CNTLN: variants seen among roughly 807,000 people sequenced by gnomAD.
CNTLN encodes the protein centlein, centrosomal protein.
CNTLN carries 212 observed loss-of-function variants against 180.0 expected under a neutral mutation model. The ratio of observed to expected loss-of-function variants is 1.18; its 90% CI spans 1.05 to 1.32. The LOEUF is 1.32. Ranked by LOEUF, CNTLN falls within the 40% of genes most tolerant of loss-of-function variation. The pLI is 0.00. For missense variants in CNTLN, 2,095 were observed against 1,610.9 expected, an observed-to-expected ratio of 1.30 and a Z score of -5.14; for synonymous variants, 722 against 563.1, an observed-to-expected ratio of 1.28 and a Z score of -3.99.
chr9:17,506,752 A>G (rs1833939004), downstream of CNTLN, among the ~76,000 whole-genome samples: 1 of 152,136 alleles, frequency 6.6e-6, no homozygotes, highest in South Asian at 2.1e-4. Flanking sequence ...AATGTACCAG[A>G]AAACATTTGA....
rs1215692109 is a variant in CNTLN, at chr9:17,331,542, A to G, written c.1518+734A>G. ...TTTTCACACGCTTGTTACTTCAGCA[A>G]TAAAGGAATAATAGTTTTTATAATA... On this transcript the variant is annotated intron_variant, in intron 9 of 25. Transcript: ENST00000380647. 3.9e-5 allele frequency among the ~76,000 whole-genome samples: 6 copies of G among 152,130 alleles called. No individual in the cohort carries two copies. In the East Asian group the frequency reaches 9.6e-4, roughly 24 times the overall value.
intron 6 of CNTLN, among the ~76,000 whole-genome samples, chr9:17,293,808 G>A (rs762495176): frequency 6.6e-6 from 1 of 152,132 alleles, no homozygotes; most frequent in Non-Finnish European, 1.5e-5. Flanking sequence ...AGGCCACCAA[G>A]AGGCTGCCGA....
At chr9:17,399,796 A>T (rs1225792422) in intron 15 of CNTLN, among the ~76,000 whole-genome samples, 1 of 152,194 alleles carries the variant, frequency 6.6e-6, no homozygotes, top group Non-Finnish European at 1.5e-5. Context: ...TGGCTTCCTT[A>T]TACCAGAGGA....
intron 12 of CNTLN, among the ~76,000 whole-genome samples, chr9:17,365,603 T>A (rs1823752734): frequency 6.6e-6 from 1 of 152,200 alleles, no homozygotes; most frequent in South Asian, 2.1e-4. Context: ...ACCATTCTTG[T>A]TTTCAGTGTT....
chr9:17,452,298 G>T (rs1263073749), intron 18 of CNTLN, among the ~76,000 whole-genome samples: 5 of 152,182 alleles, frequency 3.3e-5, no homozygotes, highest in Non-Finnish European at 1.5e-5. Flanking sequence ...GATGGAGAAG[G>T]GATGCCTGAT....
chr9:17,523,426 G>A, the CNTLN span, among the ~76,000 whole-genome samples: 2 of 151,912 alleles, frequency 1.3e-5, no homozygotes, highest in African/African-American at 2.4e-5. Flanking sequence ...TAGTAGAGAC[G>A]GGGTTTCATC....
chr9:17,332,658 C>T lies in CNTLN; in HGVS notation c.1572C>T (p.Asp524=), dbSNP rs1251774011. ...RSLSPKSSFT[D]SEELQKLRKA... is the part of the protein sequence containing the mutation. ...TGTCCCCAAAGAGCTCTTTCACAGA[C>T]TCAGAAGAGCTACAGAAGCTGAGAA... Residue 524 remains aspartate, a synonymous_variant, in exon 10 of 26, where the codon GAC becomes GAT. Coordinates refer to ENST00000380647, the MANE Select transcript of CNTLN (RefSeq NM_017738.4). 6.2e-6 allele frequency: 10 copies of T among 1,608,066 alleles called. No homozygotes were observed. Among genetic ancestry groups the T allele is most frequent in the Non-Finnish European group, 7.6e-6 (9 of 1,177,468 alleles).
chr9:17,178,592 C>T (rs1379726963), intron 2 of CNTLN, among the ~76,000 whole-genome samples: 2 of 152,086 alleles, frequency 1.3e-5, no homozygotes, highest in Non-Finnish European at 2.9e-5. Context: ...CAGCTAAGGC[C>T]CGGTGAGAAA....
At chr9:17,174,474 T>C (rs1005015712) in intron 2 of CNTLN, among the ~76,000 whole-genome samples, 15 of 152,248 alleles carry the variant, frequency 9.9e-5, no homozygotes, top group African/African-American at 3.6e-4. Context: ...GGTGGGTGGA[T>C]CACCTGAAGT....
intron 12 of CNTLN, among the ~76,000 whole-genome samples, chr9:17,344,142 G>C (rs916025067): frequency 1.1e-4 from 12 of 108,290 alleles, no homozygotes; most frequent in African/African-American, 3.3e-4. Flanking sequence ...ATAAATGATT[G>C]ATTTGGAGTT....
chr9:17,180,754 C>T (rs949603778), intron 2 of CNTLN, among the ~76,000 whole-genome samples: 8 of 152,036 alleles, frequency 5.3e-5, no homozygotes, highest in African/African-American at 1.9e-4. Flanking sequence ...GATTTCCCCC[C>T]TCCTATTTTT....
intron 24 of CNTLN, among the ~76,000 whole-genome samples, chr9:17,485,581 T>C (rs970089670): frequency 2.0e-5 from 3 of 152,142 alleles, no homozygotes; most frequent in Non-Finnish European, 4.4e-5. Context: ...AGCCTTATTA[T>C]AGGCATTTAA....
intron 15 of CNTLN, among the ~76,000 whole-genome samples, chr9:17,404,626 C>G (rs1029174903): frequency 5.9e-5 from 9 of 151,740 alleles, no homozygotes; most frequent in African/African-American, 1.9e-4. Context: ...TGTTAGTACT[C>G]CTTTACCTAG....
chr9:17,206,007 C>T (rs1201461905), intron 2 of CNTLN, among the ~76,000 whole-genome samples: 3 of 144,140 alleles, frequency 2.1e-5, no homozygotes, highest in Non-Finnish European at 4.5e-5. Flanking sequence ...GTAATAAGTA[C>T]ATGGGTCATT....
At chr9:17,301,661 C>A in intron 7 of CNTLN, 5 of 969,794 alleles carry the variant, frequency 5.2e-6, no homozygotes, top group Non-Finnish European at 4.9e-6. Context: ...TGTAGTTGTT[C>A]ATACAGTTTT....
chr9:17,432,852 C>G (rs142508429), intron 18 of CNTLN, among the ~76,000 whole-genome samples: 1 of 151,520 alleles, frequency 6.6e-6, no homozygotes, highest in Non-Finnish European at 1.5e-5. Flanking sequence ...AAACCCCGTC[C>G]CTACTAAAAA....
intron 2 of CNTLN, chr9:17,166,673 A>G: frequency 3.8e-6 from 1 of 263,196 alleles, no homozygotes; most frequent in South Asian, 4.2e-5. Flanking sequence ...GCTGGAAGAC[A>G]TGGAGCAATG....
chr9:17,151,106 A>T (rs1213510757), intron 2 of CNTLN, among the ~76,000 whole-genome samples: 1 of 152,158 alleles, frequency 6.6e-6, no homozygotes, highest in African/African-American at 2.4e-5. Context: ...AGACAAATTG[A>T]CTTCCTCTCT....
chr9:17,215,504 A>C (rs138720483), intron 2 of CNTLN, among the ~76,000 whole-genome samples: 3,405 of 152,200 alleles, frequency 0.022, 135 homozygotes, highest in African/African-American at 0.077. Context: ...GGGTCAGGGA[A>C]CCACTTGAGG....
Sources: allele counts gnomAD v4.1 joint callset (sites outside exome capture counted in the v4.1 genomes callset), GRCh38; gene constraint gnomAD v4.1.1; transcripts MANE v1.5; gene names NCBI Gene and HGNC (gene_info 2026-07-23, HGNC 2026-07-21).